Variants in TENM2 observed in about 807,000 individuals in gnomAD.
TENM2 encodes the protein teneurin transmembrane protein 2.
In TENM2, 52 loss-of-function variants were observed where a neutral mutation model predicts 245.2. That is an observed-to-expected ratio of 0.21 (90% CI 0.17 to 0.27). The LOEUF is 0.27. Ranked by LOEUF, TENM2 falls within the 10% of genes least tolerant of loss-of-function variation. The probability of loss-of-function intolerance (pLI) is 1.00; values close to 1 mark genes in which losing one functional copy is unlikely to be tolerated. For missense variants in TENM2, 3,046 were observed against 3,666.8 expected (o/e 0.83, Z 4.37); for synonymous variants, 1,363 against 1,438.9 (o/e 0.95, Z 1.19).
chr5:167,566,050 A>T, intron 2 of TENM2, among the ~76,000 whole-genome samples: 1 of 152,146 alleles, frequency 6.6e-6, no homozygotes, highest in East Asian at 1.9e-4. Context: ...TTTTGCTTTT[A>T]TGGTACATCT....
At chr5:168,027,199 G>A (rs529002736) in intron 5 of TENM2, among the ~76,000 whole-genome samples, 10 of 152,050 alleles carry the variant, frequency 6.6e-5, no homozygotes, top group East Asian at 5.8e-4. Flanking sequence ...CTTGACTCCC[G>A]ACCGAGGTAC....
In TENM2 at chr5:167,375,443, G is replaced by C. The variant is rs1760690009; in HGVS notation, c.472G>C (p.Asp158His). 2.6e-6 allele frequency: 4 copies of C among 1,551,582 alleles called. No homozygotes were observed. Among genetic ancestry groups the C allele is most frequent in the African/African-American group, 1.4e-5 (1 of 73,052 alleles). The change falls in exon 2 of 29, where the codon GAC becomes CAC. Residue 158 changes from aspartate to histidine, a missense_variant. Coordinates refer to ENST00000518659, the Ensembl canonical transcript of TENM2. Reference sequence around the variant, plus strand: ...CTCGGCCCTTACCCTGACTGACTCTGACAACGAAAACAAATCAGATGATGA... The same window carrying C: ...CTCGGCCCTTACCCTGACTGACTCTCACAACGAAAACAAATCAGATGATGA...
At chr5:167,566,605 G>A (rs1390420507) in intron 2 of TENM2, among the ~76,000 whole-genome samples, 1 of 152,202 alleles carries the variant, frequency 6.6e-6, no homozygotes, top group Non-Finnish European at 1.5e-5. Context: ...AGCAGTGAAT[G>A]CGTTTTTCTG....
intron 7 of TENM2, among the ~76,000 whole-genome samples, chr5:168,067,684 C>T (rs1021098560): frequency 1.4e-4 from 22 of 152,244 alleles, no homozygotes; most frequent in Admixed American, 3.9e-4. Context: ...TAACTGTGTT[C>T]CTGGGATGCT....
the TENM2 span, among the ~76,000 whole-genome samples, chr5:167,178,675 TA>T: frequency 4.5e-4 from 68 of 149,484 alleles, no homozygotes; most frequent in African/African-American, 1.2e-3. Context: ...AACGTGAACT[TA>T]AAAAAAAAAT....
In TENM2 at chr5:167,790,658, G is replaced by T. The variant is rs549608793; in HGVS notation, c.503-85328G>T. Reference sequence around the variant, plus strand: ...CTCCGCCATCTTGCACCATTTCTGTGGGAACCAATATTATTAGCAACATAG... The same window carrying T: ...CTCCGCCATCTTGCACCATTTCTGTTGGAACCAATATTATTAGCAACATAG... On this transcript the variant is annotated intron_variant, in intron 2 of 28. Coordinates refer to ENST00000518659, the Ensembl canonical transcript of TENM2. 4.6e-5 allele frequency among the ~76,000 whole-genome samples: 7 copies of T among 152,222 alleles called. No homozygotes were observed. The South Asian group carries it at 1.5e-3, about 32-fold the overall frequency.
At chr5:168,230,195 AACACAGTTTTATCTATCAAC>A (rs1376064292) in intron 25 of TENM2, among the ~76,000 whole-genome samples, 1 of 152,242 alleles carries the variant, frequency 6.6e-6, no homozygotes, top group Admixed American at 6.5e-5. Context: ...TGCAAATCAA[AACACAGTTTTATCTATCAAC>A]ACCTCAACAT....
At chr5:167,048,758 C>A in the TENM2 span, among the ~76,000 whole-genome samples, 2 of 152,078 alleles carry the variant, frequency 1.3e-5, no homozygotes, top group Non-Finnish European at 2.9e-5. Flanking sequence ...GAGTTACTTT[C>A]TAAATTACAT....
intron 2 of TENM2, among the ~76,000 whole-genome samples, chr5:167,380,279 A>G (rs1287229396): frequency 6.6e-6 from 1 of 152,164 alleles, no homozygotes; most frequent in East Asian, 1.9e-4. Context: ...ACAGCTGATA[A>G]TAACATACAA....
At chr5:168,157,633 T>A (rs1214344277) in intron 12 of TENM2, among the ~76,000 whole-genome samples, 1 of 151,530 alleles carries the variant, frequency 6.6e-6, no homozygotes, top group Non-Finnish European at 1.5e-5. Context: ...CAAGAGAAGG[T>A]AGGAGAGGAG....
At chr5:167,921,942 G>C (rs913215374) in intron 3 of TENM2, among the ~76,000 whole-genome samples, 7 of 152,148 alleles carry the variant, frequency 4.6e-5, no homozygotes, top group Non-Finnish European at 8.8e-5. Flanking sequence ...AAGTAGCAGA[G>C]CCAGGATGCA....
At chr5:167,831,064 G>A (rs1583127863) in intron 2 of TENM2, among the ~76,000 whole-genome samples, 1 of 152,032 alleles carries the variant, frequency 6.6e-6, no homozygotes, top group Non-Finnish European at 1.5e-5. Context: ...TTCTCTCTAT[G>A]GGAAGTACAG....
exon 16 of TENM2, chr5:168,198,865 C>G: frequency 6.2e-7 from 1 of 1,613,726 alleles, no homozygotes; most frequent in Non-Finnish European, 8.5e-7. Flanking sequence ...TCGACCTGAT[C>G]GCAAATGGAG....
intron 1 of TENM2, chr5:167,296,132 T>G (rs1383044819): frequency 6.6e-6 from 1 of 152,222 alleles, no homozygotes; most frequent in East Asian, 1.9e-4. Flanking sequence ...TGGGCTCTGA[T>G]GCATTCTCAC....
chr5:167,741,232 A>G (rs1439884241), intron 2 of TENM2, among the ~76,000 whole-genome samples: 1 of 152,168 alleles, frequency 6.6e-6, no homozygotes, highest in Non-Finnish European at 1.5e-5. Flanking sequence ...AGCTCCACAG[A>G]CTTTGGCACT....
the TENM2 span, among the ~76,000 whole-genome samples, chr5:167,004,760 G>A: frequency 6.6e-6 from 1 of 152,132 alleles, no homozygotes; most frequent in Non-Finnish European, 1.5e-5. Flanking sequence ...TAGGCAGTAC[G>A]CTCCACTGGG....
intron 2 of TENM2, among the ~76,000 whole-genome samples, chr5:167,828,118 A>G (rs976327247): frequency 6.6e-6 from 1 of 152,216 alleles, no homozygotes; most frequent in African/African-American, 2.4e-5. Flanking sequence ...ATCTAATTTA[A>G]TCCTCAGGAA....
intron 25 of TENM2, among the ~76,000 whole-genome samples, chr5:168,236,971 TATATATATATATATATATATA>T (rs1562318880): frequency 7.5e-4 from 6 of 8,002 alleles, no homozygotes; most frequent in African/African-American, 1.2e-3. Context: ...TATATATATA[TATATATATATATATATATATA>T]TATATATATT....
intron 1 of TENM2, among the ~76,000 whole-genome samples, chr5:167,289,993 A>G (rs1026628307): frequency 2.0e-5 from 3 of 152,194 alleles, no homozygotes; most frequent in Non-Finnish European, 4.4e-5. Context: ...GCTGAAATGT[A>G]CCTTGAGAAG....
Sources: gnomAD v4.1 joint callset for allele counts (sites outside exome capture counted in the v4.1 genomes callset) on GRCh38, gnomAD v4.1.1 for gene constraint, MANE v1.5 for transcripts, NCBI Gene and HGNC (gene_info 2026-07-23, HGNC 2026-07-21) for gene names.